Variants in RBFOX1 observed in about 807,000 individuals in gnomAD.
RBFOX1 encodes the protein RNA binding fox-1 homolog 1, also known as RNA binding protein fox-1 homolog 1.
In RBFOX1, 8 loss-of-function variants were observed where a neutral mutation model predicts 57.7. The ratio of observed to expected loss-of-function variants is 0.14; its 90% CI spans 0.08 to 0.25. The LOEUF (loss-of-function observed/expected upper bound fraction) is 0.25, where lower values mean the gene tolerates loss of function less well. RBFOX1 is among the 10% of genes least tolerant of loss of function. The probability of loss-of-function intolerance (pLI) is 1.00; values close to 1 mark genes in which losing one functional copy is unlikely to be tolerated. For synonymous variants in RBFOX1, 326 were observed against 222.4 expected (o/e 1.47, Z -4.15); for missense variants, 611 against 548.5 (o/e 1.11, Z -1.14).
At chr16:6,964,376 T>A (rs1156900982) in intron 3 of RBFOX1, among the ~76,000 whole-genome samples, 1 of 152,326 alleles carries the variant, frequency 6.6e-6, no homozygotes, top group African/African-American at 2.4e-5. Context: ...ATGGTGGATC[T>A]GTGTCGTTAT....
At chr16:6,004,249 A>G (rs2060654021) in intron 4 of RBFOX1, among the ~76,000 whole-genome samples, 1 of 152,178 alleles carries the variant, frequency 6.6e-6, no homozygotes, top group Non-Finnish European at 1.5e-5. Flanking sequence ...CAGCCTGACT[A>G]CCTGGCTTTG....
At position 5,302,799 on chromosome 16, in the gene RBFOX1, T is replaced by C. The variant is rs145460281; in HGVS notation, c.219+62694T>C. On this transcript the variant is annotated intron_variant, in intron 1 of 2. Transcript: ENST00000585867. ...ATCTAAAAAGTGTTTCCCGCCTTTTTTAGTTTAATCTTTATGTGTTGTGTA... is the reference window on the plus strand; with the variant it reads ...ATCTAAAAAGTGTTTCCCGCCTTTTCTAGTTTAATCTTTATGTGTTGTGTA... Among the ~76,000 whole-genome samples the C allele has an allele frequency of 3.9e-5, 6 of 152,372 alleles. No homozygotes were observed. The East Asian group carries it at 1.2e-3, about 29-fold the overall frequency.
intron 4 of RBFOX1, among the ~76,000 whole-genome samples, chr16:7,052,823 A>C (rs2050573988): frequency 6.6e-6 from 1 of 152,132 alleles, no homozygotes. Flanking sequence ...TTTTCTTCTA[A>C]ATGAATTCGT....
chr16:5,955,118 T>TTAAA lies in RBFOX1; in HGVS notation c.351+87783_351+87784insTAAA, dbSNP rs2059599305. ...CAACAGGGTGAAACTCCATCTCTAC[T>TTAAA]AAAAAAAAAAAAAAAAAAAAAAAAA... On this transcript the variant is annotated intron_variant, in intron 4 of 19. Coordinates refer to the RBFOX1 transcript ENST00000641259. Among the ~76,000 whole-genome samples the TTAAA allele has an allele frequency of 5.6e-4, 8 of 14,290 alleles. 1 individual carries two copies. Among genetic ancestry groups the TTAAA allele is most frequent in the African/African-American group, 2.5e-3 (7 of 2,796 alleles). 9.4% of individuals were successfully genotyped at this position (14,290 alleles called of 152,430 possible). A position where few individuals can be genotyped will look rare whatever the true frequency, so the allele number is the denominator to read the frequency against.
intron 1 of RBFOX1, among the ~76,000 whole-genome samples, chr16:5,343,245 GTACTTTTCAGTTAAAGTCAT>G (rs2065069308): frequency 6.9e-6 from 1 of 145,002 alleles, no homozygotes; most frequent in Admixed American, 6.9e-5. Flanking sequence ...TCCTACTTCT[GTACTTTTCAGTTAAAGTCAT>G]TACATTTCCT....
intron 4 of RBFOX1, among the ~76,000 whole-genome samples, chr16:7,354,794 C>G (rs1002166295): frequency 7.9e-5 from 12 of 152,216 alleles, no homozygotes; most frequent in African/African-American, 2.6e-4. Flanking sequence ...TTTTCAGTGC[C>G]TAGGAGCTAC....
intron 11 of RBFOX1, among the ~76,000 whole-genome samples, chr16:7,651,201 G>A (rs151015796): frequency 1.7e-4 from 26 of 152,318 alleles, no homozygotes; most frequent in African/African-American, 5.3e-4. Context: ...AGAACAGGAC[G>A]GCTGTGGGAC....
intron 4 of RBFOX1, among the ~76,000 whole-genome samples, chr16:5,909,627 G>T (rs1290968000): frequency 6.6e-6 from 1 of 152,140 alleles, no homozygotes; most frequent in East Asian, 1.9e-4. Flanking sequence ...TAACTCTGTA[G>T]CCTCCCTCCT....
intron 2 of RBFOX1, among the ~76,000 whole-genome samples, chr16:6,529,685 C>T (rs1157365654): frequency 6.6e-6 from 1 of 151,880 alleles, no homozygotes; most frequent in Admixed American, 6.6e-5. Flanking sequence ...AAATAAGAAC[C>T]ATTAGTGATT....
rs564793765 is a variant in RBFOX1 at position 7,147,754 on chromosome 16, A to G, written c.27+95656A>G. Among the ~76,000 whole-genome samples the G allele has an allele frequency of 2.6e-5, 4 of 152,196 alleles. 1 individual carries two copies. In the South Asian group the frequency reaches 8.3e-4, roughly 32 times the overall value. ...TCTAGGTTAATTTCATGTCTTTGCT[A>G]TGGTGAATAGAGCTGCAGTGAACAT... On this transcript the variant is annotated intron_variant, in intron 4 of 15. Transcript: ENST00000550418.
rs541786574 is a variant in RBFOX1, at chr16:6,194,859, A to G, written c.-126-122136A>G. Among the ~76,000 whole-genome samples the G allele has an allele frequency of 3.3e-5, 5 of 152,336 alleles. No homozygotes were observed. In the South Asian group the frequency reaches 1.0e-3, roughly 32 times the overall value. ...CTCTATCCTTAGTGATTAATATGGT[A>G]TGTCATGTGTACTAGGTGCTTAATA... On this transcript the variant is annotated intron_variant, in intron 1 of 15. Coordinates refer to ENST00000550418, the MANE Select transcript of RBFOX1 (RefSeq NM_018723.4).
At chr16:5,562,510 G>A (rs2045925315) in intron 2 of RBFOX1, among the ~76,000 whole-genome samples, 1 of 152,068 alleles carries the variant, frequency 6.6e-6, no homozygotes, top group Admixed American at 6.5e-5. Flanking sequence ...GAAGGGGGAG[G>A]ACCTGGGGGA....
Position 5,593,845 on chromosome 16 carries a change from C to T in RBFOX1, c.259-5057C>T, listed in dbSNP as rs866467498. On this transcript the variant is annotated intron_variant, in intron 2 of 2. Coordinates refer to the RBFOX1 transcript ENST00000585867. ...GAGTCGCCCTGAATTCTTTCTTGCGCGAGATCCAAGAACCCTCGTTTGGGG... is the reference window on the plus strand; with the variant it reads ...GAGTCGCCCTGAATTCTTTCTTGCGTGAGATCCAAGAACCCTCGTTTGGGG... 2.6e-5 allele frequency among the ~76,000 whole-genome samples: 4 copies of T among 152,248 alleles called. No homozygotes were observed. In the East Asian group the frequency reaches 5.8e-4, roughly 22 times the overall value.
At chr16:6,819,098 C>T (rs1196728763) in intron 3 of RBFOX1, among the ~76,000 whole-genome samples, 4 of 152,114 alleles carry the variant, frequency 2.6e-5, no homozygotes, top group African/African-American at 4.8e-5. Flanking sequence ...CACAGACTTC[C>T]GGTTTCAGGA....
intron 1 of RBFOX1, among the ~76,000 whole-genome samples, chr16:6,242,884 C>T (rs558411936): frequency 6.6e-6 from 1 of 152,186 alleles, no homozygotes; most frequent in East Asian, 1.9e-4. Flanking sequence ...AATGTTAAAA[C>T]TTTATCAGAG....
intron 4 of RBFOX1, among the ~76,000 whole-genome samples, chr16:7,189,697 T>C (rs1368495852): frequency 6.6e-6 from 1 of 152,136 alleles, no homozygotes. Flanking sequence ...GTACCATAGG[T>C]TATAAATTAC....
chr16:7,713,043 A>G lies in RBFOX1; in HGVS notation c.*2298A>G, dbSNP rs1194974493. 2 of 152,204 alleles carry G rather than the reference A, an allele frequency of 1.3e-5. No individual in the cohort carries two copies. Among genetic ancestry groups the G allele is most frequent in the Non-Finnish European group, 2.9e-5 (2 of 68,030 alleles). 9.4% of individuals were successfully genotyped at this position (152,204 alleles called of 1,614,324 possible). ...TTTGTCTAGGCACTCCAAGATGCCA[A>G]TAAGTCATTTTAAAATGTATGTCAG... On this transcript the variant is annotated 3_prime_UTR_variant, in exon 16 of 16. Transcript: ENST00000550418.
chr16:7,696,016 G>A (rs1272554771), intron 14 of RBFOX1, among the ~76,000 whole-genome samples: 1 of 152,198 alleles, frequency 6.6e-6, no homozygotes, highest in Non-Finnish European at 1.5e-5. Flanking sequence ...AGCATTTCAG[G>A]ATTTGTTCTT....
chr16:6,297,329 G>A (rs2078239603), intron 1 of RBFOX1, among the ~76,000 whole-genome samples: 1 of 152,104 alleles, frequency 6.6e-6, no homozygotes, highest in South Asian at 2.1e-4. Context: ...CCATATTCAA[G>A]ATGGAGTTGC....
Sources: gnomAD v4.1 joint callset for allele counts (sites outside exome capture counted in the v4.1 genomes callset) on GRCh38, gnomAD v4.1.1 for gene constraint, MANE v1.5 for transcripts, NCBI Gene and HGNC (gene_info 2026-07-23, HGNC 2026-07-21) for gene names.